Variants in KLF12 observed in about 807,000 individuals in gnomAD.
KLF12 encodes the protein Krueppel-like factor 12.
KLF12 carries 9 observed loss-of-function variants against 37.8 expected under a neutral mutation model. The observed-to-expected ratio is 0.24, with a 90% CI of 0.14 to 0.42. The LOEUF (loss-of-function observed/expected upper bound fraction) is 0.42, where lower values mean the gene tolerates loss of function less well. KLF12 is among the 10% of genes least tolerant of loss of function. The probability of loss-of-function intolerance (pLI) is 1.00; values close to 1 mark genes in which losing one functional copy is unlikely to be tolerated. For missense variants in KLF12, 411 were observed against 516.0 expected (o/e 0.80, Z 1.97); for synonymous variants, 208 against 202.1 (o/e 1.03, Z -0.25).
At chr13:73,848,716 A>AT (rs528188917) in intron 3 of KLF12, among the ~76,000 whole-genome samples, 211 of 152,116 alleles carry the variant, frequency 1.4e-3, no homozygotes, top group African/African-American at 4.8e-3. Flanking sequence ...TAAGAATTAC[A>AT]TGGCTTTTGC....
the KLF12 span, among the ~76,000 whole-genome samples, chr13:74,207,113 T>C: frequency 6.6e-6 from 1 of 152,046 alleles, no homozygotes; most frequent in Non-Finnish European, 1.5e-5. Context: ...GTTGAGAGAG[T>C]ACAAGAAGAG....
At chr13:73,782,700 A>T (rs1254993986) in intron 5 of KLF12, among the ~76,000 whole-genome samples, 2 of 152,200 alleles carry the variant, frequency 1.3e-5, no homozygotes, top group African/African-American at 2.4e-5. Context: ...TTATCTGCTG[A>T]TTAGGAAGTA....
At chr13:73,881,369 T>C (rs1247044979) in intron 3 of KLF12, among the ~76,000 whole-genome samples, 1 of 152,186 alleles carries the variant, frequency 6.6e-6, no homozygotes, top group Non-Finnish European at 1.5e-5. Context: ...ATGTTTTTTC[T>C]TGTAATTAAT....
chr13:74,232,998 G>T, the KLF12 span, among the ~76,000 whole-genome samples: 3 of 152,084 alleles, frequency 2.0e-5, no homozygotes, highest in African/African-American at 7.2e-5. Flanking sequence ...TGATTCTCTT[G>T]CCTCAGCCTC....
intron 1 of KLF12, among the ~76,000 whole-genome samples, chr13:74,052,548 T>C (rs17311461): frequency 0.071 from 10,782 of 152,152 alleles, 507 homozygotes; most frequent in Non-Finnish European, 0.1. Flanking sequence ...GCACATTATT[T>C]ACCCAGCCCA....
At chr13:73,856,567 C>T (rs563291804) in intron 3 of KLF12, among the ~76,000 whole-genome samples, 74 of 152,242 alleles carry the variant, frequency 4.9e-4, no homozygotes, top group African/African-American at 1.7e-3. Flanking sequence ...CCTACTTGCA[C>T]AGTCACCTCT....
At chr13:74,271,497 C>T in the KLF12 span, among the ~76,000 whole-genome samples, 1 of 152,094 alleles carries the variant, frequency 6.6e-6, no homozygotes, top group African/African-American at 2.4e-5. Context: ...ATTTGTAAGG[C>T]AGAAGAGCCT....
intron 3 of KLF12, among the ~76,000 whole-genome samples, chr13:73,914,384 A>G (rs940891729): frequency 2.6e-5 from 4 of 152,240 alleles, no homozygotes; most frequent in African/African-American, 9.6e-5. Context: ...TAAAGCCCCA[A>G]GAATTTCACC....
At chr13:74,123,098 G>A (rs556597102) in intron 1 of KLF12, among the ~76,000 whole-genome samples, 1 of 151,960 alleles carries the variant, frequency 6.6e-6, no homozygotes, top group Non-Finnish European at 1.5e-5. Flanking sequence ...ACGATCTTCA[G>A]TTGTGTTTCT....
chr13:73,859,533 T>C (rs565925413), intron 3 of KLF12, among the ~76,000 whole-genome samples: 3 of 152,268 alleles, frequency 2.0e-5, no homozygotes, highest in Admixed American at 2.0e-4. Context: ...GAAGAGAATA[T>C]AAAATAATGG....
At chr13:73,871,734 C>T (rs1886476059) in intron 3 of KLF12, among the ~76,000 whole-genome samples, 1 of 152,192 alleles carries the variant, frequency 6.6e-6, no homozygotes. Flanking sequence ...CATTCCCTGT[C>T]TTCCATGACG....
intron 1 of KLF12, among the ~76,000 whole-genome samples, chr13:74,100,369 G>A (rs141117089): frequency 6.6e-6 from 1 of 152,240 alleles, no homozygotes; most frequent in East Asian, 1.9e-4. Context: ...TGTAATCCTA[G>A]CACACTGGGA....
chr13:74,126,698 C>T (rs891748383), intron 1 of KLF12, among the ~76,000 whole-genome samples: 2 of 152,140 alleles, frequency 1.3e-5, no homozygotes, highest in African/African-American at 4.8e-5. Flanking sequence ...AGTCACAGTT[C>T]TGTAGCAGGT....
chr13:73,725,307 C>T (rs748233489), intron 6 of KLF12, among the ~76,000 whole-genome samples: 49 of 152,004 alleles, frequency 3.2e-4, no homozygotes, highest in South Asian at 6.2e-4. Flanking sequence ...TCACCATGTT[C>T]GCCAGCATGG....
At chr13:73,817,132 C>T (rs983487124) in intron 4 of KLF12, among the ~76,000 whole-genome samples, 3 of 151,938 alleles carry the variant, frequency 2.0e-5, no homozygotes, top group East Asian at 1.9e-4. Flanking sequence ...GCCCAGACAA[C>T]GTAGTGAGAC....
chr13:73,736,849 A>G (rs1877500713), intron 6 of KLF12, among the ~76,000 whole-genome samples: 1 of 152,212 alleles, frequency 6.6e-6, no homozygotes, highest in South Asian at 2.1e-4. Context: ...AGAATGACCA[A>G]AACAAAACCC....
intron 3 of KLF12, among the ~76,000 whole-genome samples, chr13:73,925,462 C>T (rs1284051105): frequency 6.6e-6 from 1 of 152,278 alleles, no homozygotes; most frequent in East Asian, 1.9e-4. Flanking sequence ...TTTAAGCTCA[C>T]TATTAAGACC....
chr13:74,175,184 G>A, the KLF12 span, among the ~76,000 whole-genome samples: 1 of 152,164 alleles, frequency 6.6e-6, no homozygotes, highest in African/African-American at 2.4e-5. Flanking sequence ...CTGCAAAGTT[G>A]CATCCTGTTG....
the KLF12 span, among the ~76,000 whole-genome samples, chr13:74,254,094 C>T: frequency 6.6e-6 from 1 of 152,114 alleles, no homozygotes; most frequent in Admixed American, 6.5e-5. Flanking sequence ...TTTAACCCTT[C>T]ATGCATAATT....
Sources: allele counts gnomAD v4.1 joint callset (sites outside exome capture counted in the v4.1 genomes callset), GRCh38; gene constraint gnomAD v4.1.1; transcripts MANE v1.5; gene names NCBI Gene and HGNC (gene_info 2026-07-23, HGNC 2026-07-21).